SMG1: variants seen among roughly 807,000 people sequenced by gnomAD.
The protein encoded by SMG1 is serine/threonine-protein kinase SMG1.
SMG1 carries 22 observed loss-of-function variants against 419.9 expected under a neutral mutation model. The ratio of observed to expected loss-of-function variants is 0.05; its 90% confidence interval spans 0.04 to 0.07. SMG1 has a LOEUF of 0.07. SMG1 is among the 10% of genes least tolerant of loss of function. The pLI is 1.00. For synonymous variants in SMG1, 1,538 were observed against 1,553.5 expected, an observed-to-expected ratio of 0.99 and a Z score of 0.23; for missense variants, 3,185 against 4,342.0, an observed-to-expected ratio of 0.73 and a Z score of 7.49.
At chr16:18,870,737 C>G in intron 17 of SMG1, 26 bp from the exon 18 acceptor site, 1 of 1,581,282 alleles carries the variant, frequency 6.3e-7, no homozygotes, top group Non-Finnish European at 8.6e-7. Flanking sequence ...ATAGACAAAG[C>G]AGGTGTGTTA....
chr16:18,848,700 T>C (rs2034409527), intron 36 of SMG1, among the ~76,000 whole-genome samples: 1 of 152,122 alleles, frequency 6.6e-6, no homozygotes, highest in Non-Finnish European at 1.5e-5. Context: ...CTGTCAAGGC[T>C]ACAGATAATG....
At chr16:18,815,008 G>T (rs370534839) in intron 60 of SMG1, among the ~76,000 whole-genome samples, 167 bp downstream of exon 60, 1 of 151,370 alleles carries the variant, frequency 6.6e-6, no homozygotes, top group Admixed American at 6.6e-5. Context: ...GTGAGCCATC[G>T]TGCCTGGCTT....
intron 1 of SMG1, among the ~76,000 whole-genome samples, chr16:18,913,818 T>C (rs941958873): frequency 6.6e-6 from 1 of 151,992 alleles, no homozygotes; most frequent in African/African-American, 2.4e-5. Flanking sequence ...AAACAAAGAA[T>C]GAGCATAACT....
At chr16:18,887,516 C>CTTTGTTTTTTT (rs749197007) in intron 6 of SMG1, among the ~76,000 whole-genome samples, 5,950 of 109,962 alleles carry the variant, frequency 0.054, 512 homozygotes, top group Non-Finnish European at 0.061. Flanking sequence ...TTTTTTTTTC[C>CTTTGTTTTTTT]TTTTTTTTTT....
At chr16:18,813,156 A>G (rs2031638011) in intron 60 of SMG1, among the ~76,000 whole-genome samples, 1 of 152,162 alleles carries the variant, frequency 6.6e-6, no homozygotes, top group Non-Finnish European at 1.5e-5. Context: ...TTATAGCAGC[A>G]TGATTTATAG....
In SMG1 at chr16:18,849,352, A is replaced by G; in HGVS notation, c.5488T>C (p.Leu1830=). ...CGCACATACACTTCAGGGTGGTTTA[A>G]GCGTGAGAAAAGTTGCGGAATAATT... ...RGIIPQLFSR[L]NHPEVYVRQS... is the part of the protein sequence containing the mutation. The change falls in exon 36 of 63, where the codon TTA becomes CTA. Residue 1830 remains leucine (L), a synonymous_variant. Transcript: ENST00000446231. 6.2e-7 allele frequency: 1 copy of G among 1,612,514 alleles called. No individual in the cohort carries two copies. The highest frequency in any genetic ancestry group is 8.5e-7 in the Non-Finnish European group (1 of 1,179,138).
intron 50 of SMG1, 58 bp downstream of exon 50, chr16:18,834,146 T>G: frequency 1.1e-5 from 14 of 1,275,530 alleles, no homozygotes; most frequent in Non-Finnish European, 1.5e-5. Context: ...GTTAAAGAGA[T>G]GAGAAAGACA....
At chr16:18,901,459 CCA>C (rs1298021691) in intron 1 of SMG1, among the ~76,000 whole-genome samples, 1 of 152,110 alleles carries the variant, frequency 6.6e-6, no homozygotes, top group Non-Finnish European at 1.5e-5. Context: ...AGCAATCCTC[CCA>C]CCTCAGCCTC....
intron 8 of SMG1, chr16:18,884,887 G>A: frequency 1.7e-6 from 1 of 571,584 alleles, no homozygotes; most frequent in East Asian, 3.0e-5. Flanking sequence ...GGTAAGTCCT[G>A]TCTGTACTTA....
chr16:18,904,756 G>C (rs2037492312), intron 1 of SMG1, among the ~76,000 whole-genome samples: 1 of 151,788 alleles, frequency 6.6e-6, no homozygotes, highest in South Asian at 2.1e-4. Flanking sequence ...CCAATGTAGT[G>C]AAACCCCGTC....
chr16:18,881,002 C>T (rs1209093428), intron 10 of SMG1, among the ~76,000 whole-genome samples: 1 of 150,818 alleles, frequency 6.6e-6, no homozygotes, highest in East Asian at 1.9e-4. Flanking sequence ...TGGTGACACT[C>T]GCTTGTAGGG....
chr16:18,829,433 A>T lies in SMG1; in HGVS notation c.9456T>A (p.Ser3152=), dbSNP rs1290109885. The change falls in exon 54 of 63, where the codon TCT becomes TCA. Residue 3152 remains serine (S), a synonymous_variant. Transcript: ENST00000446231. ...VEHNIQIGKF[S]QLVMNRATVL... ...CAGTTGCCCTGTTCATAACCAGCTG[A>T]GAGAACTTCCCTATCTGGATGTTAT... 6.2e-7 allele frequency: 1 copy of T among 1,613,928 alleles called. No individual in the cohort carries two copies. The highest frequency in any genetic ancestry group is 8.5e-7 in the Non-Finnish European group (1 of 1,179,908).
At chr16:18,888,345 G>C (rs1340197422) in intron 6 of SMG1, among the ~76,000 whole-genome samples, 1 of 150,716 alleles carries the variant, frequency 6.6e-6, no homozygotes, top group Non-Finnish European at 1.5e-5. Context: ...TTTAGTTCTT[G>C]TCTCCCTCTA....
chr16:18,829,265 A>C (rs1377718539), intron 54 of SMG1, 21 bp downstream of exon 54: 2 of 1,583,148 alleles, frequency 1.3e-6, no homozygotes, highest in African/African-American at 2.7e-5. Context: ...GGAAAAACAC[A>C]TTATAAACAA....
Position 18,838,216 on chromosome 16 carries a change from C to A in SMG1, c.7211G>T (p.Arg2404Leu). Reference sequence around the variant, plus strand: ...CGTCAGCAGGGTCTCTCTGCCACGCCGCATAATGTGTAAAACCTGTTTTCA... The same window carrying A: ...CGTCAGCAGGGTCTCTCTGCCACGCAGCATAATGTGTAAAACCTGTTTTCA... Reference protein sequence around the residue: ...LSCEQVLHIMRRGRETLLTLL... With the variant: ...LSCEQVLHIMLRGRETLLTLL... The change falls in exon 45 of 63, where the codon CGG becomes CTG. Residue 2404 changes from arginine (R) to leucine (L), a missense_variant. Physicochemically the swap from Arg to Leu is moderately radical, Grantham distance 102. Transcript: ENST00000446231. The A allele has an allele frequency of 1.2e-6, 2 of 1,611,034 alleles. No individual in the cohort carries two copies. Among genetic ancestry groups the A allele is most frequent in the South Asian group, 1.1e-5 (1 of 90,764 alleles).
rs1299680273 is a variant in SMG1 at position 18,806,690 on chromosome 16, G to A, written c.*2879C>T. 6 of 152,128 alleles carry A rather than the reference G, an allele frequency of 3.9e-5. No individual in the cohort carries two copies. The highest frequency in any genetic ancestry group is 2.0e-4 in the Admixed American group (3 of 15,260). 9.4% of individuals were successfully genotyped at this position (152,128 alleles called of 1,614,324 possible). A position where few individuals can be genotyped will look rare whatever the true frequency, so the allele number is the denominator to read the frequency against. On this transcript the variant is annotated 3_prime_UTR_variant, in exon 63 of 63. Transcript: ENST00000446231. ...GGTACTTTGAAGAGGTTGTTTGTAGGTTATTCTGTACCCCCTGATTCTTAA... is the reference window on the plus strand; with the variant it reads ...GGTACTTTGAAGAGGTTGTTTGTAGATTATTCTGTACCCCCTGATTCTTAA...
In SMG1 at chr16:18,889,447, T is replaced by C; in HGVS notation, c.747A>G (p.Lys249=). ...TGTAGGTGGCACATAAGTAGAGGAG[T>C]TTAACTTCATCTTTTGCAGATGAGC... ...KFSSSAKDEV[K]LLYLCATYKA... The change falls in exon 6 of 63, where the codon AAA becomes AAG. Residue 249 remains lysine (K), a synonymous_variant. Coordinates refer to ENST00000446231, the MANE Select transcript of SMG1 (RefSeq NM_015092.5). 3.4e-6 allele frequency: 2 copies of C among 595,652 alleles called. No homozygotes were observed. Among genetic ancestry groups the C allele is most frequent in the Non-Finnish European group, 2.9e-6 (1 of 342,696 alleles). 36.9% of individuals were successfully genotyped at this position (595,652 alleles called of 1,614,324 possible). A position where few individuals can be genotyped will look rare whatever the true frequency, so the allele number is the denominator to read the frequency against.
chr16:18,883,658 C>T (rs1596591526), intron 9 of SMG1, among the ~76,000 whole-genome samples: 1 of 152,202 alleles, frequency 6.6e-6, no homozygotes, highest in Non-Finnish European at 1.5e-5. Flanking sequence ...GGGGCTCACG[C>T]CTATAATCCC....
At chr16:18,844,151 G>A (rs539866513) in intron 39 of SMG1, among the ~76,000 whole-genome samples, 3 of 152,154 alleles carry the variant, frequency 2.0e-5, no homozygotes, top group Admixed American at 6.5e-5. Context: ...AACGCAGGCC[G>A]GGAGCAGTGG....
Sources: gnomAD v4.1 joint callset for allele counts (sites outside exome capture counted in the v4.1 genomes callset) on GRCh38, gnomAD v4.1.1 for gene constraint, MANE v1.5 for transcripts, NCBI Gene and HGNC (gene_info 2026-07-23, HGNC 2026-07-21) for gene names.